The following PADI2 variants were observed in gnomAD, a reference collection of about 807,000 sequenced individuals.
PADI2 encodes the protein protein-arginine deiminase type-2.
Under a neutral mutation model 81.1 loss-of-function variants are expected in PADI2, and 70 were observed. The observed-to-expected ratio is 0.86, with a 90% CI of 0.71 to 1.05. PADI2 has a LOEUF of 1.05. PADI2 is among the 50% of genes least tolerant of loss of function. PADI2 has a pLI of 0.00. For synonymous variants in PADI2, 338 were observed against 358.0 expected, an observed-to-expected ratio of 0.94 and a Z score of 0.63; for missense variants, 853 against 889.9, an observed-to-expected ratio of 0.96 and a Z score of 0.53.
chr1:17,086,721 T>C, intron 6 of PADI2, 22 bp from the exon 7 acceptor site: 1 of 1,606,322 alleles, frequency 6.2e-7, no homozygotes, highest in Non-Finnish European at 8.5e-7. Flanking sequence ...AGGACCAACG[T>C]CAGACTCCCA....
chr1:17,083,970 G>A, intron 8 of PADI2, 133 bp from the exon 9 acceptor site: 1 of 632,078 alleles, frequency 1.6e-6, no homozygotes, highest in Non-Finnish European at 2.8e-6. Flanking sequence ...TGTGCTCACG[G>A]CCACCTTTAT....
intron 1 of PADI2, among the ~76,000 whole-genome samples, 187 bp from the exon 2 acceptor site, chr1:17,105,248 G>A (rs1422009753): frequency 6.6e-6 from 1 of 152,040 alleles, no homozygotes; most frequent in Non-Finnish European, 1.5e-5. Context: ...AAATTAGCTG[G>A]GCATGCTGGT....
intron 1 of PADI2, among the ~76,000 whole-genome samples, chr1:17,117,207 C>T (rs971513439): frequency 7.9e-5 from 12 of 152,202 alleles, no homozygotes; most frequent in South Asian, 6.2e-4. Context: ...ACTCAATCTA[C>T]GCTGAGATGT....
At chr1:17,106,860 T>A (rs1015289341) in intron 1 of PADI2, among the ~76,000 whole-genome samples, 1 of 152,026 alleles carries the variant, frequency 6.6e-6, no homozygotes, top group African/African-American at 2.4e-5. Context: ...GGAAAGATCT[T>A]GTGAGGACGC....
intron 6 of PADI2, among the ~76,000 whole-genome samples, chr1:17,089,003 A>C (rs1231234413): frequency 6.6e-6 from 1 of 152,054 alleles, no homozygotes; most frequent in African/African-American, 2.4e-5. Flanking sequence ...AGATAATGAT[A>C]CCCACGCCAC....
chr1:17,086,528 A>G lies in PADI2; in HGVS notation c.827T>C (p.Met276Thr). Residue 276 changes from methionine to threonine, a missense_variant, in exon 7 of 16, where the codon ATG (methionine) becomes ACG (threonine). By Grantham distance (81) the Met-to-Thr change is moderately conservative (BLOSUM62 -1). Coordinates refer to ENST00000375486, the MANE Select transcript of PADI2 (RefSeq NM_007365.3). ...VSIHVSLLEY[M>T]AQDIPLTPIF... ...GAGGCCTGGAGCCCTCACCTGGGCC[A>G]TGTACTCCAGCAGGCTGACATGGAT... is the stretch of plus-strand genomic sequence containing the variant. 2 of 1,613,000 alleles carry G rather than the reference A, an allele frequency of 1.2e-6. No homozygotes were observed. The highest frequency in any genetic ancestry group is 1.7e-6 in the Non-Finnish European group (2 of 1,179,516).
At chr1:17,079,690 A>G (rs952645175) in intron 10 of PADI2, among the ~76,000 whole-genome samples, 1 of 151,942 alleles carries the variant, frequency 6.6e-6, no homozygotes, top group Non-Finnish European at 1.5e-5. Context: ...GTGTGTGGGC[A>G]TCTGCATTCC....
Position 17,115,432 on chromosome 1 carries a change from T to A in PADI2, c.92+3848A>T, listed in dbSNP as rs1931720755. ...ACACCAGGGAGGAAAAGAAGAGCCCTGCCTTCTCGAGAACTCTCACTGACA... is the reference window on the plus strand; with the variant it reads ...ACACCAGGGAGGAAAAGAAGAGCCCAGCCTTCTCGAGAACTCTCACTGACA... On this transcript the variant is annotated intron_variant, in intron 1 of 15. Coordinates refer to ENST00000375486, the MANE Select transcript of PADI2 (RefSeq NM_007365.3). The surrounding 1 kb of genome is among the most constrained non-coding windows in gnomAD (Gnocchi z 4.1). 6.6e-6 allele frequency among the ~76,000 whole-genome samples: 1 copy of A among 152,244 alleles called. No individual in the cohort carries two copies. The highest frequency in any genetic ancestry group is 2.4e-5 in the African/African-American group (1 of 41,470).
rs1045804808 is a variant in PADI2, at chr1:17,092,808, G to A, written c.530-275C>T. On this transcript the variant is annotated intron_variant, in intron 5 of 15. Coordinates refer to ENST00000375486, the MANE Select transcript of PADI2 (RefSeq NM_007365.3). ...TACAAAAATAAAAAAAATTAGCCAC[G>A]CATGGTGGCATGTGCCTGTAATCCT... 5.3e-5 allele frequency among the ~76,000 whole-genome samples: 8 copies of A among 151,440 alleles called. No individual in the cohort carries two copies. In the East Asian group the frequency reaches 6.0e-4, roughly 11 times the overall value.
intron 7 of PADI2, 57 bp from the exon 8 acceptor site, chr1:17,084,759 G>T (rs2078373178): frequency 9.2e-7 from 1 of 1,087,588 alleles, no homozygotes. Context: ...TGCTTTCTTT[G>T]CCTGCCTTTC....
chr1:17,108,671 G>A (rs192642529), intron 1 of PADI2, among the ~76,000 whole-genome samples: 60 of 152,248 alleles, frequency 3.9e-4, no homozygotes, highest in Admixed American at 2.1e-3. Flanking sequence ...GATGCTTTAG[G>A]TGGCACAGGG....
intron 11 of PADI2, among the ~76,000 whole-genome samples, chr1:17,076,036 C>A (rs1408903794): frequency 6.6e-6 from 1 of 152,090 alleles, no homozygotes; most frequent in Non-Finnish European, 1.5e-5. Context: ...CAGCTGCGGC[C>A]TGTGTGAAGG....
chr1:17,085,456 T>G (rs951251677), intron 7 of PADI2, among the ~76,000 whole-genome samples: 2 of 152,116 alleles, frequency 1.3e-5, no homozygotes, highest in African/African-American at 4.8e-5. Flanking sequence ...ATGGGTGCCA[T>G]AAGAAGCCCC....
At chr1:17,109,115 T>C (rs567537002) in intron 1 of PADI2, among the ~76,000 whole-genome samples, 1 of 152,226 alleles carries the variant, frequency 6.6e-6, no homozygotes, top group East Asian at 1.9e-4. Context: ...CTGGGTGCGG[T>C]GGCTCACACC....
chr1:17,070,245 C>G (rs767712010), intron 14 of PADI2, 29 bp from the exon 15 acceptor site: 1 of 1,611,534 alleles, frequency 6.2e-7, no homozygotes, highest in Non-Finnish European at 8.5e-7. Flanking sequence ...GGAGGGCATG[C>G]AGGTGAGGGG....
chr1:17,084,487 C>T, intron 8 of PADI2, 112 bp downstream of exon 8: 1 of 628,270 alleles, frequency 1.6e-6, no homozygotes, highest in South Asian at 2.0e-5. Flanking sequence ...AAGAGAGTTG[C>T]TCAAGGTAAC....
At chr1:17,091,777 A>G (rs12094327) in intron 6 of PADI2, among the ~76,000 whole-genome samples, 111 of 152,056 alleles carry the variant, frequency 7.3e-4, no homozygotes, top group African/African-American at 2.6e-3. Flanking sequence ...TGTGGTACTG[A>G]TTATGTCTCT....
chr1:17,094,080 G>A (rs1410057710), intron 4 of PADI2, among the ~76,000 whole-genome samples: 4 of 152,146 alleles, frequency 2.6e-5, no homozygotes, highest in South Asian at 4.1e-4. Flanking sequence ...TTCCAGACAC[G>A]CTCCTAGTGC....
chr1:17,084,606 CA>C lies in PADI2; in HGVS notation c.930del (p.Phe310LeufsTer5). 6.3e-7 allele frequency: 1 copy of C among 1,580,242 alleles called. No homozygotes were observed. ...TPNILPPVSV[F>X]VCCMKDNYLF... The stretch of plus-strand genomic sequence containing the variant: ...GCTGGGGTCACCCCTTACCAGCACA[CA>C]AACACCGACACGGGAGGCAGGATGT... On this transcript the variant is annotated frameshift_variant, in exon 8 of 16. Transcript: ENST00000375486. LOFTEE classifies it high-confidence loss of function.
Sources: allele counts gnomAD v4.1 joint callset (sites outside exome capture counted in the v4.1 genomes callset), GRCh38; gene constraint gnomAD v4.1.1; non-coding constraint Gnocchi (gnomAD v3.1); transcripts MANE v1.5; gene names NCBI Gene and HGNC (gene_info 2026-07-23, HGNC 2026-07-21).